DAB1: variants seen among roughly 807,000 people sequenced by gnomAD.
DAB1 encodes disabled homolog 1.
In DAB1, 15 loss-of-function variants were observed where a neutral mutation model predicts 64.6. The ratio of observed to expected loss-of-function variants is 0.23; its 90% CI spans 0.16 to 0.36. DAB1 has a LOEUF of 0.36. Among genes scored for constraint, DAB1 ranks in the 10% least tolerant of loss-of-function variants. DAB1 has a pLI of 1.00. For missense variants in DAB1, 596 were observed against 706.7 expected (o/e 0.84, Z 1.78); for synonymous variants, 235 against 251.9 (o/e 0.93, Z 0.64).
At chr1:58,171,593 C>A (rs1441490514) in intron 4 of DAB1, among the ~76,000 whole-genome samples, 1 of 152,208 alleles carries the variant, frequency 6.6e-6, no homozygotes, top group East Asian at 1.9e-4. Flanking sequence ...ATTCTGTATT[C>A]CCCTGCACTC....
intron 2 of DAB1, among the ~76,000 whole-genome samples, chr1:57,231,092 T>C (rs1316632183): frequency 1.3e-5 from 2 of 152,214 alleles, no homozygotes; most frequent in Non-Finnish European, 2.9e-5. Flanking sequence ...ACCTTGTTGC[T>C]ATTTTCAATA....
At chr1:57,584,763 C>T (rs1645357018) in intron 7 of DAB1, among the ~76,000 whole-genome samples, 1 of 152,194 alleles carries the variant, frequency 6.6e-6, no homozygotes. Flanking sequence ...AAGTAGTCTC[C>T]AGCTTTCTGT....
intron 5 of DAB1, among the ~76,000 whole-genome samples, chr1:57,914,517 C>T (rs1018175167): frequency 1.3e-5 from 2 of 152,020 alleles, no homozygotes; most frequent in African/African-American, 4.8e-5. Flanking sequence ...CACATGTATA[C>T]ATATGTAACA....
chr1:57,061,231 G>T (rs943903161), intron 9 of DAB1, among the ~76,000 whole-genome samples: 1 of 90,556 alleles, frequency 1.1e-5, no homozygotes, highest in Non-Finnish European at 2.2e-5. Flanking sequence ...ATTTAGATGG[G>T]GGGGGGGGGT....
intron 4 of DAB1, among the ~76,000 whole-genome samples, chr1:58,238,818 C>T (rs1974288): frequency 0.57 from 85,863 of 151,966 alleles, 25,127 homozygotes; most frequent in Non-Finnish European, 0.66. Context: ...ACTGTAGCCC[C>T]ATTTTTGTGC....
At chr1:58,395,575 C>T (rs1216407776) in intron 3 of DAB1, among the ~76,000 whole-genome samples, 2 of 152,148 alleles carry the variant, frequency 1.3e-5, no homozygotes, top group African/African-American at 4.8e-5. Flanking sequence ...CTCATAACCT[C>T]AGAGGGCCAC....
At chr1:58,027,707 C>A (rs1646914448) in intron 5 of DAB1, among the ~76,000 whole-genome samples, 1 of 151,878 alleles carries the variant, frequency 6.6e-6, no homozygotes, top group Non-Finnish European at 1.5e-5. Flanking sequence ...AAAATGGCAA[C>A]AACAATAATA....
chr1:57,799,883 G>A (rs1472351903), intron 6 of DAB1, among the ~76,000 whole-genome samples: 2 of 152,198 alleles, frequency 1.3e-5, no homozygotes, highest in Non-Finnish European at 2.9e-5. Context: ...TTCAAGGGCA[G>A]AAATGAGTAG....
chr1:57,367,941 G>C (rs146698237), intron 1 of DAB1, among the ~76,000 whole-genome samples: 2 of 152,150 alleles, frequency 1.3e-5, no homozygotes, highest in Admixed American at 6.5e-5. Flanking sequence ...AGCTGCAGCC[G>C]CCCAAACCAC....
At chr1:57,615,025 G>A (rs6685654) in intron 7 of DAB1, among the ~76,000 whole-genome samples, 73,992 of 151,348 alleles carry the variant, frequency 0.49, 18,545 homozygotes, top group Admixed American at 0.56. Context: ...ACCCACCACC[G>A]CGCCTGGCTA....
At chr1:58,503,904 G>A (rs933972790) in intron 3 of DAB1, among the ~76,000 whole-genome samples, 2 of 152,174 alleles carry the variant, frequency 1.3e-5, no homozygotes, top group Non-Finnish European at 2.9e-5. Flanking sequence ...CAAAAGGCAC[G>A]AAGTATGCCT....
intron 2 of DAB1, among the ~76,000 whole-genome samples, chr1:58,517,909 G>A (rs756992148): frequency 2.5e-4 from 38 of 151,676 alleles, no homozygotes; most frequent in African/African-American, 8.0e-4. Context: ...GTATCAGGCC[G>A]GGCACAGTGG....
intron 7 of DAB1, among the ~76,000 whole-genome samples, chr1:57,637,281 A>G (rs1386624881): frequency 6.6e-6 from 1 of 152,326 alleles, no homozygotes; most frequent in East Asian, 1.9e-4. Context: ...AGAAATAATG[A>G]AAAAAATGCA....
At chr1:57,940,162 C>T (rs1645081681) in intron 5 of DAB1, among the ~76,000 whole-genome samples, 1 of 152,150 alleles carries the variant, frequency 6.6e-6, no homozygotes, top group African/African-American at 2.4e-5. Context: ...TTTAGATATT[C>T]CGAGTTTGGT....
intron 3 of DAB1, among the ~76,000 whole-genome samples, chr1:58,346,235 C>T (rs999449601): frequency 1.3e-5 from 2 of 152,312 alleles, no homozygotes; most frequent in African/African-American, 2.4e-5. Context: ...TGGCTAGAAG[C>T]GGAAATGAAG....
chr1:58,164,877 T>A (rs901928989), intron 4 of DAB1, among the ~76,000 whole-genome samples: 9 of 152,202 alleles, frequency 5.9e-5, no homozygotes, highest in Non-Finnish European at 8.8e-5. Context: ...GAAGATTACT[T>A]TAGAATAGGG....
At chr1:58,373,387 T>G (rs1023328657) in intron 3 of DAB1, among the ~76,000 whole-genome samples, 4 of 144,060 alleles carry the variant, frequency 2.8e-5, no homozygotes, top group East Asian at 4.1e-4. Flanking sequence ...GTGATCTCAT[T>G]GTTCAATTCC....
At chr1:57,982,255 G>C (rs941312266) in intron 5 of DAB1, among the ~76,000 whole-genome samples, 4 of 152,212 alleles carry the variant, frequency 2.6e-5, no homozygotes, top group African/African-American at 7.2e-5. Flanking sequence ...AGGATGCAAA[G>C]GTAAATTGTC....
intron 3 of DAB1, among the ~76,000 whole-genome samples, chr1:58,414,757 G>C (rs1453908450): frequency 6.6e-6 from 1 of 151,510 alleles, no homozygotes; most frequent in Non-Finnish European, 1.5e-5. Context: ...AGGTCACACA[G>C]CAAGTAGAAA....
Sources: gnomAD v4.1 joint callset for allele counts (sites outside exome capture counted in the v4.1 genomes callset) on GRCh38, gnomAD v4.1.1 for gene constraint, MANE v1.5 for transcripts, NCBI Gene and HGNC (gene_info 2026-07-23, HGNC 2026-07-21) for gene names.